Variants in ABAT observed in about 807,000 individuals in gnomAD.
ABAT encodes 4-aminobutyrate aminotransferase, mitochondrial.
ABAT carries 45 observed loss-of-function variants against 64.6 expected under a neutral mutation model. The ratio of observed to expected loss-of-function variants is 0.70; its 90% confidence interval spans 0.55 to 0.89. ABAT has a LOEUF of 0.89. Among genes scored for constraint, ABAT ranks in the 40% least tolerant of loss-of-function variants. ABAT has a pLI of 0.00. For synonymous variants in ABAT, 297 were observed against 250.5 expected (o/e 1.19, Z -1.75); for missense variants, 633 against 658.4 (o/e 0.96, Z 0.42).
At chr16:8,766,322 C>T (rs1596465842) in intron 9 of ABAT, 52 bp downstream of exon 9, 2 of 1,569,042 alleles carry the variant, frequency 1.3e-6, no homozygotes, top group East Asian at 2.3e-5. Flanking sequence ...TGCACAGCCT[C>T]TCCCGGGCTG....
At chr16:8,729,194 G>A (rs576557303) in intron 1 of ABAT, among the ~76,000 whole-genome samples, 5 of 151,842 alleles carry the variant, frequency 3.3e-5, no homozygotes, top group East Asian at 3.9e-4. Context: ...TGTAGTTCCA[G>A]GTACTTGGGA....
intron 1 of ABAT, among the ~76,000 whole-genome samples, chr16:8,720,117 T>C (rs1288456345): frequency 6.6e-6 from 1 of 152,186 alleles, no homozygotes; most frequent in Admixed American, 6.5e-5. Context: ...CCAGCCAAAA[T>C]GCACAATTTT....
chr16:8,760,962 C>T (rs538191751), intron 6 of ABAT, among the ~76,000 whole-genome samples: 15 of 152,202 alleles, frequency 9.9e-5, no homozygotes, highest in Admixed American at 3.3e-4. Flanking sequence ...ACCTGTAGTC[C>T]CAGCTACTCA....
At position 8,746,056 on chromosome 16, in the gene ABAT, T is replaced by C. The variant is rs2059318732; in HGVS notation, c.126T>C (p.Asp42=). 3.7e-6 allele frequency: 6 copies of C among 1,613,902 alleles called. No homozygotes were observed. The East Asian group carries it at 1.1e-4, about 30-fold the overall frequency. ...AAKVDVEFDY[D]GPLMKTEVPG... Reference sequence around the variant, plus strand: ...AAGTCGACGTTGAATTTGATTATGATGGGCCTCTGATGAAGACGGAAGTCC... The same window carrying C: ...AAGTCGACGTTGAATTTGATTATGACGGGCCTCTGATGAAGACGGAAGTCC... Residue 42 remains aspartate, a synonymous_variant, in exon 3 of 16, where the codon GAT becomes GAC. Transcript: ENST00000268251.
At chr16:8,752,677 G>A (rs1445930116) in intron 5 of ABAT, among the ~76,000 whole-genome samples, 1 of 152,114 alleles carries the variant, frequency 6.6e-6, no homozygotes, top group East Asian at 1.9e-4. Flanking sequence ...TCAGTCAGGA[G>A]GATCTCTGGA....
chr16:8,725,722 G>A (rs532851656), intron 1 of ABAT, among the ~76,000 whole-genome samples: 1 of 152,266 alleles, frequency 6.6e-6, no homozygotes, highest in African/African-American at 2.4e-5. Flanking sequence ...TTGATGCAAA[G>A]GTCATTTCCT....
intron 8 of ABAT, among the ~76,000 whole-genome samples, chr16:8,765,345 A>G (rs1437520782): frequency 1.3e-5 from 2 of 150,964 alleles, no homozygotes; most frequent in Middle Eastern, 3.2e-3. Context: ...CAAAAAAAAA[A>G]AAAGAAGAAG....
At chr16:8,751,225 A>G (rs2059472113) in intron 5 of ABAT, among the ~76,000 whole-genome samples, 1 of 152,100 alleles carries the variant, frequency 6.6e-6, no homozygotes, top group Admixed American at 6.6e-5. Flanking sequence ...CTGGGATTAC[A>G]GGTGTGAGCC....
At chr16:8,741,175 C>T (rs1174238615) in intron 2 of ABAT, among the ~76,000 whole-genome samples, 3 of 152,234 alleles carry the variant, frequency 2.0e-5, no homozygotes, top group Admixed American at 2.0e-4. Flanking sequence ...ATAACATACT[C>T]TTGCCTTCTG....
intron 8 of ABAT, chr16:8,765,822 C>CT (rs1483984796): frequency 6.1e-6 from 1 of 163,696 alleles, no homozygotes; most frequent in African/African-American, 2.4e-5. Context: ...CAGAGTCCCA[C>CT]TTTGTTGCCC....
At chr16:8,736,021 C>G (rs985501187) in intron 2 of ABAT, 14 of 558,200 alleles carry the variant, frequency 2.5e-5, no homozygotes, top group Non-Finnish European at 4.2e-5. Context: ...AATGGTCTCA[C>G]AGTTTCATAT....
At position 8,710,871 on chromosome 16, in the gene ABAT, T is replaced by C. The variant is rs1301619241; in HGVS notation, c.-41-24828T>C. ...TTTACTTCACTCTCTGGTTAGGTGG[T>C]TTCTACAGGAGTCTTTAGAACAAGA... On this transcript the variant is annotated intron_variant, in intron 1 of 15. Transcript: ENST00000268251. Among the ~76,000 whole-genome samples the C allele has an allele frequency of 3.9e-5, 6 of 152,296 alleles. No homozygotes were observed. In the East Asian group the frequency reaches 9.7e-4, roughly 25 times the overall value.
chr16:8,723,226 G>A lies in ABAT; in HGVS notation c.-41-12473G>A, dbSNP rs186206346. Among the ~76,000 whole-genome samples, 9 of 152,150 alleles carry A rather than the reference G, an allele frequency of 5.9e-5. No individual in the cohort carries two copies. The East Asian group carries it at 1.2e-3, about 20-fold the overall frequency. On this transcript the variant is annotated intron_variant, in intron 1 of 15. Transcript: ENST00000268251. Reference sequence around the variant, plus strand: ...CCAGCCTGGGTGACAGAGTAAGATCGTGTCTCTCAAAAAAATAAAGAGAGG... The same window carrying A: ...CCAGCCTGGGTGACAGAGTAAGATCATGTCTCTCAAAAAAATAAAGAGAGG...
Position 8,768,168 on chromosome 16 carries a change from A to G in ABAT, c.604-25A>G, listed in dbSNP as rs1177971378. ...TTCCCCCATCCTTACAACTATGACT[A>G]ATGACTGATATTTCTTGGTTTTAGG... is the stretch of plus-strand genomic sequence containing the variant. On this transcript the variant is annotated intron_variant, in intron 9 of 15. Transcript: ENST00000268251. 3 of 1,609,568 alleles carry G rather than the reference A, an allele frequency of 1.9e-6. No individual in the cohort carries two copies. The South Asian group carries it at 3.3e-5, about 18-fold the overall frequency.
chr16:8,714,108 G>A (rs1395300179), intron 1 of ABAT, among the ~76,000 whole-genome samples: 1 of 152,190 alleles, frequency 6.6e-6, no homozygotes, highest in Non-Finnish European at 1.5e-5. Flanking sequence ...GAACACAGCA[G>A]GAGGAGACCC....
At chr16:8,746,190 A>T in intron 3 of ABAT, 92 bp downstream of exon 3, 1 of 925,820 alleles carries the variant, frequency 1.1e-6, no homozygotes, top group Non-Finnish European at 1.7e-6. Flanking sequence ...ACCTGTATTG[A>T]TTGTCAGCTG....
chr16:8,767,723 TG>T (rs2059984979), intron 9 of ABAT, among the ~76,000 whole-genome samples: 3 of 152,220 alleles, frequency 2.0e-5, no homozygotes, highest in Admixed American at 2.0e-4. Flanking sequence ...TTGACCAGGC[TG>T]GGGTGCAGTG....
chr16:8,754,699 TTTCTTTCTTTCTTTCTTTCTTTC>T (rs1400083497), intron 5 of ABAT, among the ~76,000 whole-genome samples: 6 of 146,136 alleles, frequency 4.1e-5, no homozygotes, highest in African/African-American at 7.8e-5. Context: ...TCTTTCTTTC[TTTCTTTCTTTCTTTCTTTCTTTC>T]TTTTTTTTTT....
At chr16:8,697,640 T>TG (rs1176798923) in intron 1 of ABAT, among the ~76,000 whole-genome samples, 3 of 112,874 alleles carry the variant, frequency 2.7e-5, no homozygotes, top group East Asian at 8.1e-4. Flanking sequence ...TTTTGTTTTT[T>TG]GGTTTTTTTT....
Sources: allele counts gnomAD v4.1 joint callset (sites outside exome capture counted in the v4.1 genomes callset), GRCh38; gene constraint gnomAD v4.1.1; transcripts MANE v1.5; gene names NCBI Gene and HGNC (gene_info 2026-07-23, HGNC 2026-07-21).